IL16: variants seen among roughly 807,000 people sequenced by gnomAD.
The protein encoded by IL16 is interleukin 16.
Under a neutral mutation model 110.1 loss-of-function variants are expected in IL16, and 67 were observed. That is an observed-to-expected ratio of 0.61 (90% CI 0.50 to 0.75). The LOEUF (loss-of-function observed/expected upper bound fraction) is 0.75. Among genes scored for constraint, IL16 ranks in the 30% least tolerant of loss-of-function variants. The probability of loss-of-function intolerance (pLI) is 0.00; values close to 1 mark genes in which losing one functional copy is unlikely to be tolerated. For missense variants in IL16, 1,545 were observed against 1,655.0 expected, an observed-to-expected ratio of 0.93 and a Z score of 1.15; for synonymous variants, 689 against 662.9, an observed-to-expected ratio of 1.04 and a Z score of -0.61.
At chr15:81,218,619 G>A (rs569250233) in intron 1 of IL16, among the ~76,000 whole-genome samples, 7 of 152,254 alleles carry the variant, frequency 4.6e-5, no homozygotes, top group Admixed American at 6.5e-5. Context: ...AGGAAATTAC[G>A]CAGAAAGGAA....
At chr15:81,269,716 C>T (rs1898551158) in intron 5 of IL16, 68 bp downstream of exon 5, 2 of 1,142,474 alleles carry the variant, frequency 1.8e-6, no homozygotes, top group Non-Finnish European at 2.7e-6. Flanking sequence ...GCTGCTGTGT[C>T]CAGGGAAGGA....
intron 18 of IL16, chr15:81,306,984 T>C: frequency 1.1e-5 from 3 of 283,006 alleles, no homozygotes; most frequent in South Asian, 1.0e-4. Flanking sequence ...TCTGACTTTG[T>C]ACTGCACACT....
At chr15:81,211,801 A>G (rs371498547) in intron 1 of IL16, among the ~76,000 whole-genome samples, 1 of 152,172 alleles carries the variant, frequency 6.6e-6, no homozygotes, top group Non-Finnish European at 1.5e-5. Flanking sequence ...TTCTGTTTAT[A>G]TGGTAAATCA....
chr15:81,294,141 G>A (rs1018954816), intron 12 of IL16, among the ~76,000 whole-genome samples: 10 of 152,338 alleles, frequency 6.6e-5, no homozygotes, highest in South Asian at 2.1e-4. Context: ...GAGGGGTAGC[G>A]GTGGAGACGG....
Position 81,306,048 on chromosome 15 carries a change from G to A in IL16, c.3561G>A (p.Glu1187=). 1 of 1,614,222 alleles carries A rather than the reference G, an allele frequency of 6.2e-7. No individual in the cohort carries two copies. Among genetic ancestry groups the A allele is most frequent in the Non-Finnish European group, 8.5e-7 (1 of 1,180,038 alleles). ...TGGCCATCCTCCGCCAAGCTCGAGAGCCCAGGCAAGCTGTGATTGTCACAA... is the reference window on the plus strand; with the variant it reads ...TGGCCATCCTCCGCCAAGCTCGAGAACCCAGGCAAGCTGTGATTGTCACAA... ...DALAILRQAR[E]PRQAVIVTRK... The change falls in exon 17 of 19, where the codon GAG becomes GAA. Residue 1187 remains glutamate (E), a synonymous_variant. Coordinates refer to ENST00000683961, the MANE Select transcript of IL16 (RefSeq NM_172217.5).
At chr15:81,242,096 C>A (rs2142103414) in intron 2 of IL16, among the ~76,000 whole-genome samples, 2 of 151,944 alleles carry the variant, frequency 1.3e-5, no homozygotes, top group South Asian at 4.2e-4. Context: ...GTTCTCTATT[C>A]TATGTATATC....
At chr15:81,209,954 C>T (rs966401879) in intron 1 of IL16, among the ~76,000 whole-genome samples, 11 of 152,210 alleles carry the variant, frequency 7.2e-5, no homozygotes, top group Non-Finnish European at 1.5e-4. Flanking sequence ...CAGATGTTGA[C>T]AAGGGTACTT....
At chr15:81,196,322 C>T (rs1228083594), upstream of IL16, among the ~76,000 whole-genome samples, 1 of 152,210 alleles carries the variant, frequency 6.6e-6, no homozygotes, top group Admixed American at 6.5e-5. Context: ...AACGTTTGTG[C>T]AGTGGCTTTC....
intron 1 of IL16, among the ~76,000 whole-genome samples, chr15:81,212,067 A>G (rs528881534): frequency 1.3e-5 from 2 of 152,000 alleles, no homozygotes; most frequent in South Asian, 4.2e-4. Flanking sequence ...TAGTTTCGGT[A>G]GGATTGATAC....
intron 1 of IL16, among the ~76,000 whole-genome samples, chr15:81,209,347 G>A (rs1191060922): frequency 6.6e-6 from 1 of 152,094 alleles, no homozygotes; most frequent in East Asian, 1.9e-4. Flanking sequence ...CTGGATGGTG[G>A]TAAGAGGTGG....
At chr15:81,288,893 C>T (rs1899579871) in intron 10 of IL16, among the ~76,000 whole-genome samples, 2 of 151,072 alleles carry the variant, frequency 1.3e-5, no homozygotes, top group African/African-American at 4.9e-5. Context: ...TTTTTGGGTA[C>T]TTGGGTTGTT....
At chr15:81,182,790 A>G (rs1406752607) in exon 1 of IL16, 2 of 1,054,308 alleles carry the variant, frequency 1.9e-6, no homozygotes, top group Non-Finnish European at 2.6e-6. Context: ...CGATCCTCCC[A>G]TGGACCCCTG....
chr15:81,212,179 T>C (rs1896273095), intron 1 of IL16, among the ~76,000 whole-genome samples: 1 of 152,142 alleles, frequency 6.6e-6, no homozygotes, highest in Admixed American at 6.5e-5. Context: ...ATTTCAGTGC[T>C]TGATATTGGT....
intron 8 of IL16, among the ~76,000 whole-genome samples, chr15:81,281,809 T>A (rs776180626): frequency 3.3e-5 from 5 of 152,238 alleles, no homozygotes; most frequent in Admixed American, 6.5e-5. Context: ...CTTCAAAATA[T>A]CTTCCATGGG....
chr15:81,229,722 T>C (rs906176049), intron 2 of IL16, among the ~76,000 whole-genome samples: 1 of 152,118 alleles, frequency 6.6e-6, no homozygotes. Context: ...ACCCACTCAC[T>C]TCTCCCTTCT....
intron 1 of IL16, among the ~76,000 whole-genome samples, chr15:81,212,318 T>C (rs868234370): frequency 6.6e-6 from 1 of 152,120 alleles, no homozygotes. Context: ...TGAAGAATGT[T>C]TGTTTGTCTG....
intron 2 of IL16, among the ~76,000 whole-genome samples, chr15:81,235,074 T>C (rs1036856908): frequency 2.0e-5 from 3 of 152,282 alleles, no homozygotes; most frequent in African/African-American, 7.2e-5. Context: ...CTCTAATCAC[T>C]GCCCCCATGC....
chr15:81,307,455 A>C (rs1454114264), intron 18 of IL16, among the ~76,000 whole-genome samples: 1 of 152,254 alleles, frequency 6.6e-6, no homozygotes, highest in Non-Finnish European at 1.5e-5. Context: ...CGTTAGAGGA[A>C]GTTCTGCTGC....
Position 81,279,407 on chromosome 15 carries a change from G to A in IL16, c.865-151G>A, listed in dbSNP as rs923100102. 6.6e-6 allele frequency: 4 copies of A among 609,876 alleles called. No individual in the cohort carries two copies. The Admixed American group carries it at 1.2e-4, about 18-fold the overall frequency. 37.8% of individuals were successfully genotyped at this position (609,876 alleles called of 1,614,324 possible). A position where few individuals can be genotyped will look rare whatever the true frequency, so the allele number is the denominator to read the frequency against. Reference sequence around the variant, plus strand: ...TAGTTGTGTGTATATATACAAATATGTCATAATATAATTTGTAACATGTAT... The same window carrying A: ...TAGTTGTGTGTATATATACAAATATATCATAATATAATTTGTAACATGTAT... On this transcript the variant is annotated intron_variant, in intron 7 of 18. Coordinates refer to ENST00000683961, the MANE Select transcript of IL16 (RefSeq NM_172217.5).
Sources: gnomAD v4.1 joint callset for allele counts (sites outside exome capture counted in the v4.1 genomes callset) on GRCh38, gnomAD v4.1.1 for gene constraint, MANE v1.5 for transcripts, NCBI Gene and HGNC (gene_info 2026-07-23, HGNC 2026-07-21) for gene names.